Variants in HSPB7 observed in about 807,000 individuals in gnomAD.
The protein encoded by HSPB7 is heat shock protein family B (small) member 7.
In HSPB7, 9 loss-of-function variants were observed where a neutral mutation model predicts 11.0. That is an observed-to-expected ratio of 0.82 (90% CI 0.49 to 1.43). The LOEUF (loss-of-function observed/expected upper bound fraction) is 1.43, where lower values mean the gene tolerates loss of function less well. Among genes scored for constraint, HSPB7 ranks in the 40% most tolerant of loss-of-function variants. The pLI is 0.00. For missense variants in HSPB7, 246 were observed against 243.9 expected (o/e 1.01, Z -0.06); for synonymous variants, 102 against 101.6 (o/e 1.00, Z -0.02).
chr1:16,018,909 A>G, upstream of HSPB7: 1 of 1,226,388 alleles, frequency 8.2e-7, no homozygotes, highest in South Asian at 1.7e-5. Context: ...GGGAGGGTGG[A>G]GGGGCTCTTC....
upstream of HSPB7, chr1:16,018,997 G>C (rs938760721): frequency 1.5e-5 from 15 of 987,552 alleles, no homozygotes; most frequent in Non-Finnish European, 1.9e-5. Context: ...GCTGGGATTC[G>C]AACCTAGATG....
upstream of HSPB7, chr1:16,018,662 G>A: frequency 9.7e-7 from 1 of 1,027,482 alleles, no homozygotes; most frequent in Non-Finnish European, 1.2e-6. Context: ...GCAGCCCCAA[G>A]AGGACAAAGT....
Position 16,017,159 on chromosome 1 carries a change from T to G in HSPB7, c.248A>C (p.Glu83Ala). 6.2e-7 allele frequency: 1 copy of G among 1,613,862 alleles called. No individual in the cohort carries two copies. The highest frequency in any genetic ancestry group is 8.5e-7 in the Non-Finnish European group (1 of 1,179,808). The change falls in exon 2 of 3, where the codon GAG becomes GCG. Residue 83 changes from glutamate (E) to alanine (A), a missense_variant. Coordinates refer to ENST00000311890, the MANE Select transcript of HSPB7 (RefSeq NM_014424.5). ...GNIKTLGDAY[E>A]FAVDVRDFSP... ...GAAGTCTCTCACGTCCACCGCAAAC[T>G]CATAGGCGTCTCCTAGGGTCTTGAT...
chr1:16,019,309 C>G, upstream of HSPB7: 1 of 1,442,458 alleles, frequency 6.9e-7, no homozygotes, highest in Non-Finnish European at 9.5e-7. Context: ...CACATGGGCC[C>G]ACACCCAGTC....
intron 1 of HSPB7, chr1:16,017,517 G>A: frequency 1.7e-6 from 1 of 590,548 alleles, no homozygotes; most frequent in Admixed American, 3.2e-5. Flanking sequence ...ATTGGCTGTG[G>A]TTACAGAGCA....
chr1:16,017,808 A>AC lies in HSPB7; in HGVS notation c.155_156insG (p.Phe52LeufsTer32). 6.2e-7 allele frequency: 1 copy of AC among 1,613,210 alleles called. No homozygotes were observed. On this transcript the variant is annotated frameshift_variant, in exon 1 of 3. Coordinates refer to ENST00000311890, the MANE Select transcript of HSPB7 (RefSeq NM_014424.5). LOFTEE classifies it high-confidence loss of function. The stretch of plus-strand genomic sequence containing the variant: ...CCGAGTGGGGCCGCATGAAGCTGCC[A>AC]AAGTCATCGGAAAACATGCTCAGGG...
Position 16,015,846 on chromosome 1 carries a change from CCCAG to C in HSPB7, c.334-91_334-88del. 1 of 1,286,494 alleles carries C rather than the reference CCCAG, an allele frequency of 7.8e-7. No homozygotes were observed. Among genetic ancestry groups the C allele is most frequent in the Non-Finnish European group, 1.1e-6 (1 of 942,408 alleles). 79.7% of individuals were successfully genotyped at this position (1,286,494 alleles called of 1,614,324 possible). A position where few individuals can be genotyped will look rare whatever the true frequency, so the allele number is the denominator to read the frequency against. On this transcript the variant is annotated intron_variant, in intron 2 of 2. Transcript: ENST00000311890. The surrounding 1 kb of genome is among the most constrained non-coding windows in gnomAD (Gnocchi z 4.9). ...AGAGCCCTCTTCTCCCCATTCTAAC[CCCAG>C]CCAGACCCCACATGCCGAGGGGCTC...
intron 2 of HSPB7, among the ~76,000 whole-genome samples, chr1:16,016,715 A>G (rs865857312): frequency 1.1e-4 from 17 of 151,004 alleles, no homozygotes; most frequent in African/African-American, 4.1e-4. Flanking sequence ...TATAGCTACC[A>G]GAGGAGCTGT....
rs747241805 is a variant in HSPB7, at chr1:16,017,753, C to G, written c.199+12G>C. Reference sequence around the variant, plus strand: ...GTGCACCTCCCCTCCCCTCAGGGCCCGGATCACTTGCCTGGGAAGGCCAGG... The same window carrying G: ...GTGCACCTCCCCTCCCCTCAGGGCCGGGATCACTTGCCTGGGAAGGCCAGG... On this transcript the variant is annotated intron_variant, in intron 1 of 2. Transcript: ENST00000311890. 1.6e-5 allele frequency: 25 copies of G among 1,574,718 alleles called. No homozygotes were observed. The highest frequency in any genetic ancestry group is 7.0e-5 in the East Asian group (3 of 43,020).
At chr1:16,018,967 G>T (rs1427825878), upstream of HSPB7, 2 of 1,003,912 alleles carry the variant, frequency 2.0e-6, no homozygotes, top group African/African-American at 3.3e-5. Flanking sequence ...GGCGGGGCTC[G>T]CAGTTGCGTA....
At chr1:16,018,879 C>T (rs979917912), upstream of HSPB7, 36 of 1,328,348 alleles carry the variant, frequency 2.7e-5, no homozygotes, top group Admixed American at 1.9e-4. Flanking sequence ...AGCACGGCCC[C>T]GTTTGATCCC....
chr1:16,018,991 G>A (rs2021959830), upstream of HSPB7: 7 of 988,724 alleles, frequency 7.1e-6, 1 homozygote, highest in Non-Finnish European at 7.2e-6. Flanking sequence ...GGCAGAGCTG[G>A]GATTCGAACC....
chr1:16,018,330 A>G, upstream of HSPB7: 1 of 1,252,040 alleles, frequency 8.0e-7, no homozygotes, highest in South Asian at 1.4e-5. Flanking sequence ...AGAACCTTGC[A>G]AGTTTGGGGT....
chr1:16,019,425 C>T (rs1251242731), upstream of HSPB7: 2 of 1,549,118 alleles, frequency 1.3e-6, no homozygotes, highest in Non-Finnish European at 1.7e-6. Context: ...CTTCCCTATC[C>T]AACTGGCAGT....
In HSPB7 at chr1:16,017,754, G is replaced by C; in HGVS notation, c.199+11C>G. The C allele has an allele frequency of 2.5e-6, 4 of 1,576,536 alleles. No homozygotes were observed. The South Asian group carries it at 4.6e-5, about 18-fold the overall frequency. The stretch of plus-strand genomic sequence containing the variant: ...TGCACCTCCCCTCCCCTCAGGGCCC[G>C]GATCACTTGCCTGGGAAGGCCAGGG... On this transcript the variant is annotated intron_variant, in intron 1 of 2. Transcript: ENST00000311890.
In HSPB7 at chr1:16,017,049, G is replaced by A. The variant is rs374526628; in HGVS notation, c.333+25C>T. ...GAGGCAGGAGCAGAATTTGGGATGCGGTGAGTAGGGGGTGGGGGGCTCACC... is the reference window on the plus strand; with the variant it reads ...GAGGCAGGAGCAGAATTTGGGATGCAGTGAGTAGGGGGTGGGGGGCTCACC... On this transcript the variant is annotated intron_variant, in intron 2 of 2. Transcript: ENST00000311890. 191 of 1,595,006 alleles carry A rather than the reference G, an allele frequency of 1.2e-4. No individual in the cohort carries two copies. In the South Asian group the frequency reaches 1.5e-3, roughly 12 times the overall value.
At position 16,015,733 on chromosome 1, in the gene HSPB7, G is replaced by A; in HGVS notation, c.360C>T (p.Asn120=). The change falls in exon 3 of 3, where the codon AAC becomes AAT. Residue 120 remains asparagine, a synonymous_variant. Coordinates refer to ENST00000311890, the MANE Select transcript of HSPB7 (RefSeq NM_014424.5). This position sits in a 1 kb window ranked among gnomAD's most constrained non-coding sequence, Gnocchi z 4.9. ...EKLAADGTVM[N]TFAHKCQLPE... ...GCAGCTGGCACTTGTGAGCGAAGGT[G>A]TTCATGACAGTGCCGTCAGCCGCCA... 6.3e-6 allele frequency: 10 copies of A among 1,598,798 alleles called. No individual in the cohort carries two copies. The highest frequency in any genetic ancestry group is 8.5e-6 in the Non-Finnish European group (10 of 1,169,962).
At chr1:16,018,200 C>T (rs1251985650), upstream of HSPB7, 8 of 1,501,012 alleles carry the variant, frequency 5.3e-6, no homozygotes, top group East Asian at 2.7e-5. Flanking sequence ...ACACGCAGGC[C>T]GAGAGGGCTG....
chr1:16,015,231 T>G lies in HSPB7; in HGVS notation c.*349A>C. 1 of 232,012 alleles carries G rather than the reference T, an allele frequency of 4.3e-6. No individual in the cohort carries two copies. The highest frequency in any genetic ancestry group is 8.5e-6 in the Non-Finnish European group (1 of 117,368). The allele number at this position is 232,012 out of a possible 1,614,324, so 14.4% of individuals were successfully genotyped here. A position where few individuals can be genotyped will look rare whatever the true frequency, so the allele number is the denominator to read the frequency against. On this transcript the variant is annotated 3_prime_UTR_variant, in exon 3 of 3. Coordinates refer to ENST00000311890, the MANE Select transcript of HSPB7 (RefSeq NM_014424.5). The surrounding 1 kb of genome is among the most constrained non-coding windows in gnomAD (Gnocchi z 4.9). Reference sequence around the variant, plus strand: ...GCAGAGACTTCATAGATCAGAGGGTTTGTCTGTCTGTCTGTCCTGCAGAGC... The same window carrying G: ...GCAGAGACTTCATAGATCAGAGGGTGTGTCTGTCTGTCTGTCCTGCAGAGC...
Sources: allele counts gnomAD v4.1 joint callset (sites outside exome capture counted in the v4.1 genomes callset), GRCh38; gene constraint gnomAD v4.1.1; non-coding constraint Gnocchi (gnomAD v3.1); transcripts MANE v1.5; gene names NCBI Gene and HGNC (gene_info 2026-07-23, HGNC 2026-07-21).